The following FARP1 variants were observed in gnomAD, a reference collection of about 807,000 sequenced individuals.
FARP1 encodes FERM, ARH/RhoGEF and pleckstrin domain protein 1.
A neutral mutation model predicts 128.8 loss-of-function variants in FARP1; 52 were observed. The observed-to-expected ratio is 0.40, with a 90% CI of 0.32 to 0.51. The LOEUF is 0.51. Ranked by LOEUF, FARP1 falls within the 20% of genes least tolerant of loss-of-function variation. The pLI, the probability that FARP1 is intolerant of heterozygous loss-of-function variation, is 0.45. For missense variants in FARP1, 1,333 were observed against 1,367.9 expected (o/e 0.97, Z 0.40); for synonymous variants, 580 against 551.8 (o/e 1.05, Z -0.72).
At chr13:98,406,950 C>G (rs1295649403) in intron 13 of FARP1, 4 of 152,640 alleles carry the variant, frequency 2.6e-5, no homozygotes, top group Admixed American at 1.3e-4. Context: ...TCCCTTGCCC[C>G]GAGTGGCAGT....
chr13:98,205,466 C>T (rs1391729680), intron 1 of FARP1, among the ~76,000 whole-genome samples: 3 of 150,932 alleles, frequency 2.0e-5, no homozygotes, highest in South Asian at 2.1e-4. Context: ...GATCTCGGCT[C>T]ACTGCAAGCT....
At chr13:98,317,252 T>C (rs1458162556) in intron 2 of FARP1, among the ~76,000 whole-genome samples, 1 of 152,210 alleles carries the variant, frequency 6.6e-6, no homozygotes, top group African/African-American at 2.4e-5. Context: ...AAAAATTGCA[T>C]GTGTGGTTTT....
intron 2 of FARP1, among the ~76,000 whole-genome samples, chr13:98,297,423 A>G (rs1198802801): frequency 6.6e-6 from 1 of 152,234 alleles, no homozygotes; most frequent in Non-Finnish European, 1.5e-5. Context: ...GTGAAACAGC[A>G]GGCATTTGGG....
chr13:98,321,294 G>T (rs549429690), intron 2 of FARP1, among the ~76,000 whole-genome samples: 2 of 152,166 alleles, frequency 1.3e-5, no homozygotes, highest in Non-Finnish European at 2.9e-5. Context: ...AAACTCAGCC[G>T]GATCATCTCA....
intron 2 of FARP1, among the ~76,000 whole-genome samples, chr13:98,286,612 T>G (rs1161657056): frequency 6.6e-6 from 1 of 152,210 alleles, no homozygotes; most frequent in Admixed American, 6.5e-5. Flanking sequence ...GTGAGTCCTT[T>G]AAACCTCTTT....
Position 98,388,401 on chromosome 13 carries a change from G to A in FARP1, c.778G>A (p.Ala260Thr), listed in dbSNP as rs989676175. ...LVFQGFTKIN[A>T]FNWAKVRKLS... ...TTTTTAGGGTTTCACTAAGATCAATGCCTTCAACTGGGCCAAGGTGCGGAA... is the reference window on the plus strand; with the variant it reads ...TTTTTAGGGTTTCACTAAGATCAATACCTTCAACTGGGCCAAGGTGCGGAA... The change falls in exon 9 of 27, where the codon GCC becomes ACC. Residue 260 changes from alanine (A) to threonine (T), a missense_variant. This residue lies in a region of FARP1 where 324 missense variants were observed against 398.1 expected (regional missense o/e 0.81). Coordinates refer to ENST00000319562, the MANE Select transcript of FARP1 (RefSeq NM_005766.4). The A allele has an allele frequency of 1.9e-6, 3 of 1,613,748 alleles. No homozygotes were observed. The African/African-American group carries it at 4.0e-5, about 22-fold the overall frequency.
At chr13:98,303,538 A>G (rs951428308) in intron 2 of FARP1, among the ~76,000 whole-genome samples, 6 of 152,326 alleles carry the variant, frequency 3.9e-5, no homozygotes, top group African/African-American at 1.4e-4. Flanking sequence ...TTCATAAATG[A>G]TGCTGTTAAG....
chr13:98,318,464 G>T (rs1278998085), intron 2 of FARP1, among the ~76,000 whole-genome samples: 4 of 152,184 alleles, frequency 2.6e-5, no homozygotes, highest in African/African-American at 9.7e-5. Flanking sequence ...CCACACACAG[G>T]GTTAGGACTT....
chr13:98,387,639 C>T (rs1414091571), intron 8 of FARP1, among the ~76,000 whole-genome samples: 6 of 152,162 alleles, frequency 3.9e-5, no homozygotes, highest in African/African-American at 9.7e-5. Flanking sequence ...GGCAGCTCCC[C>T]GTTGTTTCTC....
At chr13:98,209,261 G>A (rs1045382745) in intron 1 of FARP1, among the ~76,000 whole-genome samples, 1 of 151,736 alleles carries the variant, frequency 6.6e-6, no homozygotes, top group African/African-American at 2.4e-5. Flanking sequence ...ACCCGCCTTG[G>A]CCTCCCAAAG....
rs566640337 is a variant in FARP1 at position 98,424,670 on chromosome 13, G to A, written c.1905+20G>A. 3.9e-6 allele frequency: 6 copies of A among 1,552,388 alleles called. No homozygotes were observed. The highest frequency in any genetic ancestry group is 1.4e-5 in the African/African-American group (1 of 73,828). ...ATGAAGGTGAGCTGGTTGAGATTTGGGTGGAGCAAGGTTCACCAAGGAGAA... is the reference window on the plus strand; with the variant it reads ...ATGAAGGTGAGCTGGTTGAGATTTGAGTGGAGCAAGGTTCACCAAGGAGAA... On this transcript the variant is annotated intron_variant, in intron 17 of 26. Transcript: ENST00000319562.
intron 7 of FARP1, 120 bp from the exon 8 acceptor site, chr13:98,385,547 A>C: frequency 9.4e-7 from 1 of 1,065,026 alleles, no homozygotes; most frequent in Non-Finnish European, 1.4e-6. Context: ...CTGATCGGGT[A>C]GCCCCAGTGT....
chr13:98,199,110 C>T, intron 1 of FARP1, among the ~76,000 whole-genome samples: 1 of 151,128 alleles, frequency 6.6e-6, no homozygotes, highest in Non-Finnish European at 1.5e-5. Context: ...GTCGGATCCG[C>T]TATTGGCACA....
chr13:98,264,138 G>A (rs745839265), intron 2 of FARP1, among the ~76,000 whole-genome samples: 1 of 152,144 alleles, frequency 6.6e-6, no homozygotes, highest in Non-Finnish European at 1.5e-5. Flanking sequence ...CCTGCAAAAC[G>A]GTGCTAATAC....
chr13:98,340,511 A>G (rs1388159767), intron 2 of FARP1, among the ~76,000 whole-genome samples: 1 of 151,808 alleles, frequency 6.6e-6, no homozygotes, highest in African/African-American at 2.4e-5. Flanking sequence ...CACCCGGGTA[A>G]TTTTTGTATT....
intron 2 of FARP1, among the ~76,000 whole-genome samples, chr13:98,302,716 T>A (rs1885973791): frequency 6.6e-6 from 1 of 152,222 alleles, no homozygotes; most frequent in Non-Finnish European, 1.5e-5. Flanking sequence ...TGGGATGCAT[T>A]TCTCCTTGCT....
At chr13:98,195,846 G>A (rs1212190312) in intron 1 of FARP1, among the ~76,000 whole-genome samples, 2 of 152,132 alleles carry the variant, frequency 1.3e-5, no homozygotes, top group African/African-American at 4.8e-5. Flanking sequence ...GCAACACAGT[G>A]AAACTCTGTC....
intron 3 of FARP1, among the ~76,000 whole-genome samples, chr13:98,348,576 G>A (rs1268711226): frequency 2.0e-5 from 3 of 152,258 alleles, no homozygotes; most frequent in Non-Finnish European, 2.9e-5. Context: ...CTGAAGTTCA[G>A]GCCTGGTGAG....
At chr13:98,244,891 C>T in intron 2 of FARP1, 1 of 1,422,374 alleles carries the variant, frequency 7.0e-7, no homozygotes, top group Non-Finnish European at 9.1e-7. Context: ...GGCCCATCCA[C>T]TCCTAAACGG....
Sources: gnomAD v4.1 joint callset for allele counts (sites outside exome capture counted in the v4.1 genomes callset) on GRCh38, gnomAD v4.1.1 for gene constraint, gnomAD v4.1.1 regional missense constraint, MANE v1.5 for transcripts, NCBI Gene and HGNC (gene_info 2026-07-23, HGNC 2026-07-21) for gene names.